The following CTNND2 variants were observed in gnomAD, a reference collection of about 807,000 sequenced individuals.
The protein encoded by CTNND2 is catenin delta-2.
Under a neutral mutation model 144.4 loss-of-function variants are expected in CTNND2, and 22 were observed. The ratio of observed to expected loss-of-function variants is 0.15; its 90% CI spans 0.11 to 0.22. The LOEUF (loss-of-function observed/expected upper bound fraction) is 0.22, where lower values mean the gene tolerates loss of function less well. Among genes scored for constraint, CTNND2 ranks in the 10% least tolerant of loss-of-function variants. The pLI is 1.00. For missense variants in CTNND2, 1,353 were observed against 1,618.8 expected (o/e 0.84, Z 2.82); for synonymous variants, 751 against 695.6 (o/e 1.08, Z -1.25).
intron 7 of CTNND2, among the ~76,000 whole-genome samples, chr5:11,380,693 A>G (rs770892639): frequency 2.6e-5 from 4 of 152,208 alleles, no homozygotes; most frequent in Non-Finnish European, 5.9e-5. Flanking sequence ...TTTCCCAGAG[A>G]GTCAGAACTC....
chr5:11,037,573 C>A (rs1744218346), intron 16 of CTNND2, among the ~76,000 whole-genome samples: 1 of 152,122 alleles, frequency 6.6e-6, no homozygotes, highest in Admixed American at 6.5e-5. Context: ...GCCTACTAAT[C>A]CAAGATCAAC....
intron 11 of CTNND2, among the ~76,000 whole-genome samples, chr5:11,187,433 C>G (rs141545512): frequency 2.0e-4 from 31 of 152,274 alleles, no homozygotes; most frequent in African/African-American, 6.5e-4. Context: ...CGCTTCCTTA[C>G]ACCTTACACA....
intron 7 of CTNND2, among the ~76,000 whole-genome samples, chr5:11,374,613 A>C (rs2149785891): frequency 6.6e-6 from 1 of 152,214 alleles, no homozygotes; most frequent in East Asian, 1.9e-4. Context: ...GAGGGGGATA[A>C]AATTCAACAA....
At chr5:11,487,169 T>C (rs1409024353) in intron 3 of CTNND2, among the ~76,000 whole-genome samples, 1 of 151,768 alleles carries the variant, frequency 6.6e-6, no homozygotes, top group South Asian at 2.1e-4. Flanking sequence ...TAATTATAAA[T>C]AGATCAACTA....
chr5:11,099,481 T>C (rs573927284), intron 14 of CTNND2, among the ~76,000 whole-genome samples: 20 of 152,322 alleles, frequency 1.3e-4, no homozygotes, highest in Admixed American at 5.9e-4. Flanking sequence ...TTAGGAATGA[T>C]ACTTATGAAG....
intron 9 of CTNND2, among the ~76,000 whole-genome samples, chr5:11,311,092 ACT>A (rs1356882760): frequency 3.0e-5 from 4 of 133,202 alleles, no homozygotes; most frequent in Non-Finnish European, 6.4e-5. Context: ...ACATACATAC[ACT>A]CTCACACTCT....
intron 8 of CTNND2, among the ~76,000 whole-genome samples, chr5:11,347,737 T>G (rs373462355): frequency 1.3e-5 from 2 of 152,230 alleles, no homozygotes; most frequent in African/African-American, 2.4e-5. Flanking sequence ...AATTAGGTTC[T>G]AATTATCAAT....
chr5:11,899,667 TTTC>T (rs1417251953), intron 1 of CTNND2, among the ~76,000 whole-genome samples: 1 of 152,214 alleles, frequency 6.6e-6, no homozygotes, highest in African/African-American at 2.4e-5. Context: ...TATATATTGA[TTTC>T]TTGTGTTCAC....
chr5:11,173,378 C>T (rs1045968990), intron 11 of CTNND2, among the ~76,000 whole-genome samples: 7 of 152,202 alleles, frequency 4.6e-5, no homozygotes, highest in African/African-American at 1.2e-4. Context: ...CACTGCTTCC[C>T]GCTGCTGACC....
chr5:11,534,864 A>G (rs908756930), intron 3 of CTNND2, among the ~76,000 whole-genome samples: 3 of 152,146 alleles, frequency 2.0e-5, no homozygotes, highest in Non-Finnish European at 4.4e-5. Context: ...TTTGTTCTGA[A>G]GTGAACTTGG....
At chr5:11,662,532 T>C (rs952314610) in intron 2 of CTNND2, among the ~76,000 whole-genome samples, 2 of 152,016 alleles carry the variant, frequency 1.3e-5, no homozygotes, top group Non-Finnish European at 2.9e-5. Flanking sequence ...TCTAGCCATG[T>C]TGGCAGCTGA....
chr5:11,199,379 T>A, intron 11 of CTNND2, 69 bp downstream of exon 11: 3 of 1,357,438 alleles, frequency 2.2e-6, no homozygotes, highest in Non-Finnish European at 3.1e-6. Flanking sequence ...ATTAGTACAT[T>A]TGCCTCTGTG....
At chr5:11,207,073 C>T (rs894372766) in intron 10 of CTNND2, among the ~76,000 whole-genome samples, 3 of 152,246 alleles carry the variant, frequency 2.0e-5, no homozygotes, top group African/African-American at 7.2e-5. Flanking sequence ...AGGATGAGTT[C>T]GTGTCCTTTG....
Position 11,384,458 on chromosome 5 carries a change from C to T in CTNND2, c.1177+207G>A, listed in dbSNP as rs1454243503. 2.2e-5 allele frequency: 13 copies of T among 587,910 alleles called. 1 individual carries two copies. The Admixed American group carries it at 3.3e-4, about 15-fold the overall frequency. The allele number at this position is 587,910 out of a possible 1,614,324, so 36.4% of individuals were successfully genotyped here. ...GATATAGGTGTTAGAGATTGAGACA[C>T]CACATTACTCCGGAAAAGAAGTCAC... On this transcript the variant is annotated intron_variant, in intron 7 of 21. Coordinates refer to ENST00000304623, the MANE Select transcript of CTNND2 (RefSeq NM_001332.4). This position sits in a 1 kb window ranked among gnomAD's most constrained non-coding sequence, Gnocchi z 5.2.
At chr5:11,891,474 A>G (rs1425381866) in intron 1 of CTNND2, among the ~76,000 whole-genome samples, 1 of 152,128 alleles carries the variant, frequency 6.6e-6, no homozygotes, top group Non-Finnish European at 1.5e-5. Flanking sequence ...TCACCCACCA[A>G]CAAAGTAATA....
At chr5:11,773,247 C>G (rs191750017) in intron 1 of CTNND2, among the ~76,000 whole-genome samples, 15 of 152,208 alleles carry the variant, frequency 9.9e-5, no homozygotes, top group East Asian at 7.7e-4. Flanking sequence ...TTTTTCCAAG[C>G]AGTAAAATCC....
rs61749785 is a variant in CTNND2 at position 11,396,870 on chromosome 5, A to T, written c.612+161T>A. ...ACTCCATAATTGTATTTTATTATTT[A>T]TTTTCTTCATTCACAGCACCAAAGG... On this transcript the variant is annotated intron_variant, in intron 6 of 21. Coordinates refer to ENST00000304623, the MANE Select transcript of CTNND2 (RefSeq NM_001332.4). 0.019 allele frequency among the ~76,000 whole-genome samples: 2,952 copies of T among 152,220 alleles called. 97 individuals carry two copies. The highest frequency in any genetic ancestry group is 0.12 in the East Asian group (633 of 5,172).
intron 7 of CTNND2, among the ~76,000 whole-genome samples, chr5:11,382,172 T>C (rs1758554272): frequency 6.6e-6 from 1 of 152,208 alleles, no homozygotes. Context: ...AATTAGAGCC[T>C]TCCCTGGCCA....
chr5:11,633,059 T>G (rs1304704507), intron 2 of CTNND2, among the ~76,000 whole-genome samples: 3 of 152,094 alleles, frequency 2.0e-5, no homozygotes, highest in African/African-American at 7.2e-5. Context: ...ACAGGAGAGA[T>G]AGAGAGAAGG....
Sources: allele counts gnomAD v4.1 joint callset (sites outside exome capture counted in the v4.1 genomes callset), GRCh38; gene constraint gnomAD v4.1.1; non-coding constraint Gnocchi (gnomAD v3.1); transcripts MANE v1.5; gene names NCBI Gene and HGNC (gene_info 2026-07-23, HGNC 2026-07-21).